The following LMO7 variants were observed in gnomAD, a reference collection of about 807,000 sequenced individuals.
The protein encoded by LMO7 is LIM domain 7, also known as LIM domain only protein 7.
In LMO7, 120 loss-of-function variants were observed where a neutral mutation model predicts 206.5. The observed-to-expected ratio is 0.58, with a 90% CI of 0.50 to 0.68. LMO7 has a LOEUF of 0.68. Among genes scored for constraint, LMO7 ranks in the 30% least tolerant of loss-of-function variants. LMO7 has a pLI of 0.00. For synonymous variants in LMO7, 706 were observed against 681.5 expected, an observed-to-expected ratio of 1.04 and a Z score of -0.56; for missense variants, 1,959 against 1,957.9, an observed-to-expected ratio of 1.00 and a Z score of -0.01.
intron 22 of LMO7, 68 bp downstream of exon 22, chr13:75,840,563 C>G: frequency 6.4e-7 from 1 of 1,564,072 alleles, no homozygotes; most frequent in East Asian, 2.3e-5. Flanking sequence ...AGTCTGTCAA[C>G]CAGTATTGAG....
chr13:75,841,092 G>A lies in LMO7; in HGVS notation c.3583-17G>A. On this transcript the variant is annotated splice_polypyrimidine_tract_variant and intron_variant, in intron 22 of 30. Coordinates refer to ENST00000377534, the MANE Select transcript of LMO7 (RefSeq NM_001306080.2). ...GAGTTAATCTATTGGATTAATATATGTCATATTTTCTTATAGGAAAAATAT... is the reference window on the plus strand; with the variant it reads ...GAGTTAATCTATTGGATTAATATATATCATATTTTCTTATAGGAAAAATAT... 6.6e-7 allele frequency: 1 copy of A among 1,513,956 alleles called. No homozygotes were observed. Among genetic ancestry groups the A allele is most frequent in the Non-Finnish European group, 9.2e-7 (1 of 1,091,348 alleles). 93.8% of individuals were successfully genotyped at this position (1,513,956 alleles called of 1,614,324 possible).
chr13:75,693,014 C>G (rs1459093783), intron 1 of LMO7, among the ~76,000 whole-genome samples: 1 of 152,198 alleles, frequency 6.6e-6, no homozygotes, highest in Non-Finnish European at 1.5e-5. Context: ...GAGATTAAGA[C>G]TATATTACAG....
intron 2 of LMO7, among the ~76,000 whole-genome samples, chr13:75,725,904 T>C (rs184342137): frequency 1.3e-4 from 20 of 152,134 alleles, no homozygotes; most frequent in African/African-American, 4.6e-4. Flanking sequence ...ATCAAGACTT[T>C]TGTCTTTTTT....
intron 3 of LMO7, among the ~76,000 whole-genome samples, chr13:75,734,735 T>G (rs1017445637): frequency 6.6e-6 from 1 of 152,214 alleles, no homozygotes; most frequent in Admixed American, 6.5e-5. Context: ...ATTAATTCCT[T>G]CCTTCCTACC....
intron 1 of LMO7, among the ~76,000 whole-genome samples, chr13:75,671,958 G>A (rs1200000064): frequency 6.6e-6 from 1 of 152,010 alleles, no homozygotes; most frequent in East Asian, 1.9e-4. Flanking sequence ...CTGAAGTTTT[G>A]AATGCTTTGG....
intron 3 of LMO7, among the ~76,000 whole-genome samples, chr13:75,758,502 C>T (rs1472726501): frequency 6.6e-6 from 1 of 152,116 alleles, no homozygotes; most frequent in Non-Finnish European, 1.5e-5. Context: ...ACTTGAGCAT[C>T]GTTGAATGAT....
chr13:75,714,407 G>A (rs1255129328), intron 2 of LMO7, among the ~76,000 whole-genome samples: 1 of 152,132 alleles, frequency 6.6e-6, no homozygotes, highest in African/African-American at 2.4e-5. Flanking sequence ...TAGATGATGG[G>A]CATGTAAATA....
chr13:75,655,450 G>A (rs1012105322), intron 1 of LMO7, among the ~76,000 whole-genome samples: 4 of 151,878 alleles, frequency 2.6e-5, no homozygotes, highest in African/African-American at 9.7e-5. Context: ...CTATTTGATT[G>A]TCATCTCAGA....
chr13:75,807,366 C>G (rs2055674229), intron 9 of LMO7, 114 bp from the exon 10 acceptor site: 1 of 1,051,928 alleles, frequency 9.5e-7, no homozygotes, highest in Non-Finnish European at 1.4e-6. Flanking sequence ...AATGATTTAC[C>G]CTCAGTAACT....
chr13:75,647,951 C>CTTTTTTTT lies in LMO7; in HGVS notation c.69+11236_69+11243dup, dbSNP rs570513211. 9.4e-3 allele frequency among the ~76,000 whole-genome samples: 856 copies of CTTTTTTTT among 91,114 alleles called. 34 individuals carry two copies. Among genetic ancestry groups the CTTTTTTTT allele is most frequent in the African/African-American group, 0.018 (453 of 24,670 alleles). 59.8% of individuals were successfully genotyped at this position (91,114 alleles called of 152,430 possible). A position where few individuals can be genotyped will look rare whatever the true frequency, so the allele number is the denominator to read the frequency against. The stretch of plus-strand genomic sequence containing the variant: ...GATTTTCTCTTGTTTTCTTTTCTTT[C>CTTTTTTTT]TTTTTTTTTTTTTTTTTTGAGACAG... On this transcript the variant is annotated intron_variant, in intron 1 of 30. Transcript: ENST00000377534.
At chr13:75,701,352 T>C (rs1213210279) in intron 1 of LMO7, among the ~76,000 whole-genome samples, 1 of 152,132 alleles carries the variant, frequency 6.6e-6, no homozygotes, top group Non-Finnish European at 1.5e-5. Context: ...TAACTGTCAG[T>C]TTGAAGTTTA....
At chr13:75,771,916 A>G (rs188549461) in intron 4 of LMO7, among the ~76,000 whole-genome samples, 3 of 64,106 alleles carry the variant, frequency 4.7e-5, no homozygotes, top group Non-Finnish European at 6.9e-5. Context: ...CAATCCTGCT[A>G]TCAGTGTAGC....
intron 3 of LMO7, among the ~76,000 whole-genome samples, chr13:75,739,220 C>G (rs949682492): frequency 6.6e-6 from 1 of 152,180 alleles, no homozygotes; most frequent in African/African-American, 2.4e-5. Context: ...ATTTTAATTT[C>G]CCTTTGAAAA....
At chr13:75,700,179 C>G (rs1387668334) in intron 1 of LMO7, among the ~76,000 whole-genome samples, 1 of 152,144 alleles carries the variant, frequency 6.6e-6, no homozygotes, top group Non-Finnish European at 1.5e-5. Context: ...ACATGTTTTA[C>G]AAACAATTTG....
At chr13:75,781,254 T>C (rs1261314605) in intron 4 of LMO7, among the ~76,000 whole-genome samples, 5 of 146,750 alleles carry the variant, frequency 3.4e-5, no homozygotes, top group Non-Finnish European at 7.5e-5. Context: ...ATTAGGTATA[T>C]CTCCCAATGC....
chr13:75,664,110 C>T (rs767164497), intron 1 of LMO7, among the ~76,000 whole-genome samples: 7 of 152,120 alleles, frequency 4.6e-5, no homozygotes, highest in Non-Finnish European at 8.8e-5. Context: ...AACCATTAAC[C>T]GTCCCCACTT....
intron 3 of LMO7, among the ~76,000 whole-genome samples, chr13:75,745,220 G>A (rs535337848): frequency 1.3e-5 from 2 of 152,262 alleles, no homozygotes; most frequent in Admixed American, 1.3e-4. Context: ...AGAATGAGAA[G>A]AAGTAGTCAA....
chr13:75,761,020 CA>C lies in LMO7; in HGVS notation c.302del (p.Asn101IlefsTer14). On this transcript the variant is annotated frameshift_variant, in exon 4 of 31. Coordinates refer to ENST00000377534, the MANE Select transcript of LMO7 (RefSeq NM_001306080.2). LOFTEE classifies it high-confidence loss of function. ...CATCCTGGAGATCTACAGGATTTAT[CA>C]AATCGAGTCACTGTCAAGTAAGTTT... ...LFHPGDLQDL[S>X]NRVTVKQEET... is the part of the protein sequence containing the mutation. 2 of 1,610,480 alleles carry C rather than the reference CA, an allele frequency of 1.2e-6. No homozygotes were observed. Among genetic ancestry groups the C allele is most frequent in the Non-Finnish European group, 1.7e-6 (2 of 1,177,490 alleles).
At chr13:75,810,225 T>C (rs143979133) in intron 11 of LMO7, among the ~76,000 whole-genome samples, 13 of 152,332 alleles carry the variant, frequency 8.5e-5, no homozygotes, top group African/African-American at 3.1e-4. Context: ...TAAGGGCTAA[T>C]AGTGTTTGAG....
Sources: allele counts gnomAD v4.1 joint callset (sites outside exome capture counted in the v4.1 genomes callset), GRCh38; gene constraint gnomAD v4.1.1; transcripts MANE v1.5; gene names NCBI Gene and HGNC (gene_info 2026-07-23, HGNC 2026-07-21).